ZNF573: variants seen among roughly 807,000 people sequenced by gnomAD.
ZNF573 encodes the protein zinc finger protein 573.
Under a neutral mutation model 57.4 loss-of-function variants are expected in ZNF573, and 41 were observed. The ratio of observed to expected loss-of-function variants is 0.71; its 90% CI spans 0.56 to 0.93. ZNF573 has a LOEUF of 0.93. Among genes scored for constraint, ZNF573 ranks in the 40% least tolerant of loss-of-function variants. The pLI, the probability that ZNF573 is intolerant of heterozygous loss-of-function variation, is 0.00. For synonymous variants in ZNF573, 249 were observed against 261.0 expected (o/e 0.95, Z 0.44); for missense variants, 730 against 794.8 (o/e 0.92, Z 0.98).
In ZNF573 at chr19:37,739,005, C is replaced by T; in HGVS notation, c.1485G>A (p.Glu495=). The change falls in exon 5 of 5, where the codon GAG becomes GAA. Residue 495 remains glutamate, a synonymous_variant. Transcript: ENST00000536220. The part of the protein sequence containing the change: ...LIQHRKTHTG[E]KPYKCKECGK... ...CACATTCCTTACATTTATAGGGTTT[C>T]TCACCAGTATGAGTTTTCCGATGTT... is the stretch of plus-strand genomic sequence containing the variant. 1 of 1,613,672 alleles carries T rather than the reference C, an allele frequency of 6.2e-7. No homozygotes were observed. Among genetic ancestry groups the T allele is most frequent in the East Asian group, 2.2e-5 (1 of 44,862 alleles).
chr19:37,742,396 T>C (rs1178130123), intron 4 of ZNF573, among the ~76,000 whole-genome samples: 1 of 152,176 alleles, frequency 6.6e-6, no homozygotes, highest in African/African-American at 2.4e-5. Context: ...AGAACAAAGC[T>C]GGAGGCATCA....
intron 4 of ZNF573, among the ~76,000 whole-genome samples, chr19:37,754,962 A>G (rs2045473507): frequency 6.6e-6 from 1 of 152,042 alleles, no homozygotes; most frequent in Non-Finnish European, 1.5e-5. Context: ...AATTAATAGA[A>G]TAAATCTATT....
intron 4 of ZNF573, among the ~76,000 whole-genome samples, chr19:37,766,960 A>G (rs947963420): frequency 6.6e-6 from 1 of 152,222 alleles, no homozygotes; most frequent in African/African-American, 2.4e-5. Flanking sequence ...TAACTATGGG[A>G]GTATTTAATT....
In ZNF573 at chr19:37,738,802, A is replaced by G; in HGVS notation, c.1688T>C (p.Phe563Ser). The change falls in exon 5 of 5, where the codon TTT becomes TCT. Residue 563 changes from phenylalanine to serine, a missense_variant. By Grantham distance (155) the Phe-to-Ser change is radical. Transcript: ENST00000536220. ...PFECKECGKT[F>S]RRSSHLTAHQ... ...TGCAGTAAGGTGTGAACTACGTCTAAAGGTCTTCCCACATTCCTTACATTC... is the reference window on the plus strand; with the variant it reads ...TGCAGTAAGGTGTGAACTACGTCTAGAGGTCTTCCCACATTCCTTACATTC... 1 of 1,614,052 alleles carries G rather than the reference A, an allele frequency of 6.2e-7. No individual in the cohort carries two copies. Among genetic ancestry groups the G allele is most frequent in the Non-Finnish European group, 8.5e-7 (1 of 1,180,006 alleles).
rs774716475 is a variant in ZNF573 at position 37,754,331 on chromosome 19, C to T, written c.296-14137G>A. Among the ~76,000 whole-genome samples the T allele has an allele frequency of 2.8e-4, 42 of 152,000 alleles. No homozygotes were observed. In the Middle Eastern group the frequency reaches 0.02, roughly 74 times the overall value. Reference sequence around the variant, plus strand: ...GGTCAGGAATTTAAGACCAGCCTGGCCAAGATGGTAAAACTCTGTCTCTAC... The same window carrying T: ...GGTCAGGAATTTAAGACCAGCCTGGTCAAGATGGTAAAACTCTGTCTCTAC... On this transcript the variant is annotated intron_variant, in intron 4 of 4. Coordinates refer to ENST00000536220, the MANE Select transcript of ZNF573 (RefSeq NM_001172690.2).
At chr19:37,767,051 T>C (rs1388492250) in intron 4 of ZNF573, among the ~76,000 whole-genome samples, 1 of 152,140 alleles carries the variant, frequency 6.6e-6, no homozygotes, top group Admixed American at 6.5e-5. Context: ...AGGGTGTACA[T>C]ACAAGTAACA....
intron 4 of ZNF573, among the ~76,000 whole-genome samples, chr19:37,761,992 T>C (rs2045557659): frequency 6.6e-6 from 1 of 152,238 alleles, no homozygotes; most frequent in Non-Finnish European, 1.5e-5. Context: ...AAACAAGTTA[T>C]ATCATATTAG....
At chr19:37,771,778 G>T (rs1440662686) in intron 2 of ZNF573, 82 bp from the exon 3 acceptor site, 4 of 1,425,728 alleles carry the variant, frequency 2.8e-6, no homozygotes, top group Non-Finnish European at 3.8e-6. Flanking sequence ...TTAGAGAAAA[G>T]GAGTGATATA....
chr19:37,750,482 G>A (rs1244980109), intron 4 of ZNF573, among the ~76,000 whole-genome samples: 2 of 152,020 alleles, frequency 1.3e-5, no homozygotes, highest in Admixed American at 6.6e-5. Context: ...ATTGATAAGA[G>A]ATAAAATATC....
intron 1 of ZNF573, 117 bp from the exon 2 acceptor site, chr19:37,773,868 A>G: frequency 3.3e-6 from 2 of 614,856 alleles, no homozygotes. Context: ...TAACTTAGGG[A>G]AAAACAGACA....
In ZNF573 at chr19:37,738,329, T is replaced by A; in HGVS notation, c.*163A>T. ...TAATTTACCATTGAATAGTCAGATA[T>A]TCCATTAAAACAGGACTGACATTGA... On this transcript the variant is annotated 3_prime_UTR_variant, in exon 5 of 5. Transcript: ENST00000536220. 2 of 622,084 alleles carry A rather than the reference T, an allele frequency of 3.2e-6. No homozygotes were observed. Among genetic ancestry groups the A allele is most frequent in the Non-Finnish European group, 4.9e-6 (2 of 404,936 alleles). The allele number at this position is 622,084 out of a possible 1,614,324, so 38.5% of individuals were successfully genotyped here.
At chr19:37,776,020 G>A (rs963175386) in intron 1 of ZNF573, among the ~76,000 whole-genome samples, 10 of 152,090 alleles carry the variant, frequency 6.6e-5, no homozygotes, top group Non-Finnish European at 1.2e-4. Flanking sequence ...CCCCGCTCAT[G>A]GATAGGTAGA....
At chr19:37,759,209 A>G (rs2045527427) in intron 4 of ZNF573, 2 of 560,038 alleles carry the variant, frequency 3.6e-6, no homozygotes, top group East Asian at 1.4e-4. Flanking sequence ...ATATTATAGA[A>G]TTATGTGTTA....
At chr19:37,773,026 A>G in intron 2 of ZNF573, 6 of 949,032 alleles carry the variant, frequency 6.3e-6, no homozygotes, top group Non-Finnish European at 7.5e-6. Flanking sequence ...ATTCTCATTC[A>G]TCGCCATTTT....
At chr19:37,772,967 A>G in intron 2 of ZNF573, 1 of 985,222 alleles carries the variant, frequency 1.0e-6, no homozygotes, top group Non-Finnish European at 1.2e-6. Flanking sequence ...CAGAACTTCA[A>G]AGGTCTTCCC....
Position 37,739,940 on chromosome 19 carries a change from GA to G in ZNF573, c.549del (p.His184IlefsTer22). 1 of 1,614,170 alleles carries G rather than the reference GA, an allele frequency of 6.2e-7. No homozygotes were observed. The highest frequency in any genetic ancestry group is 1.1e-5 in the South Asian group (1 of 91,084). Reference protein sequence around the residue: ...SGYQLTLHQRFHTGEKPYECT... With the variant: ...SGYQLTLHQRXHTGEKPYECT... ...CATTCATAGGGTTTCTCACCAGTAT[GA>G]AATCTTTGATGTAGAGTAAGTTGAT... On this transcript the variant is annotated frameshift_variant, in exon 5 of 5. Coordinates refer to ENST00000536220, the MANE Select transcript of ZNF573 (RefSeq NM_001172690.2). LOFTEE classifies it high-confidence loss of function.
At chr19:37,777,080 A>T (rs1294956083) in intron 1 of ZNF573, among the ~76,000 whole-genome samples, 3 of 152,228 alleles carry the variant, frequency 2.0e-5, no homozygotes, top group African/African-American at 7.2e-5. Context: ...CAGTATGAAG[A>T]TTCCTTAAAA....
Position 37,739,955 on chromosome 19 carries a change from G to C in ZNF573, c.535C>G (p.Leu179Val), listed in dbSNP as rs1304824922. 1.9e-6 allele frequency: 3 copies of C among 1,614,012 alleles called. No individual in the cohort carries two copies. The African/African-American group carries it at 4.0e-5, about 22-fold the overall frequency. ...KNFRSGYQLT[L>V]HQRFHTGEKP... ...TCACCAGTATGAAATCTTTGATGTA[G>C]AGTAAGTTGATAGCCACTACGAAAG... Residue 179 changes from leucine (L) to valine (V), a missense_variant, in exon 5 of 5, where the codon CTA becomes GTA. Leu to Val is a conservative substitution (Grantham distance 32). Transcript: ENST00000536220.
Position 37,738,446 on chromosome 19 carries a change from T to A in ZNF573, c.*46A>T. ...CTAACATTCCATCATTTCTCACCAG[T>A]GTGGGCTGTCTGATGATGAATGGCG... On this transcript the variant is annotated 3_prime_UTR_variant, in exon 5 of 5. Coordinates refer to ENST00000536220, the MANE Select transcript of ZNF573 (RefSeq NM_001172690.2). 6.7e-7 allele frequency: 1 copy of A among 1,489,956 alleles called. No individual in the cohort carries two copies. The highest frequency in any genetic ancestry group is 8.9e-7 in the Non-Finnish European group (1 of 1,120,146). The allele number at this position is 1,489,956 out of a possible 1,614,324, so 92.3% of individuals were successfully genotyped here.
Sources: allele counts gnomAD v4.1 joint callset (sites outside exome capture counted in the v4.1 genomes callset), GRCh38; gene constraint gnomAD v4.1.1; transcripts MANE v1.5; gene names NCBI Gene and HGNC (gene_info 2026-07-23, HGNC 2026-07-21).